Variants in CNTNAP5 observed in about 807,000 individuals in gnomAD.
CNTNAP5 encodes the protein contactin-associated protein-like 5.
Under a neutral mutation model 150.2 loss-of-function variants are expected in CNTNAP5, and 72 were observed. The observed-to-expected ratio is 0.48, with a 90% CI of 0.40 to 0.58. The LOEUF (loss-of-function observed/expected upper bound fraction) is 0.58, where lower values mean the gene tolerates loss of function less well. Ranked by LOEUF, CNTNAP5 falls within the 20% of genes least tolerant of loss-of-function variation. The probability of loss-of-function intolerance (pLI) is 0.00; values close to 1 mark genes in which losing one functional copy is unlikely to be tolerated. For synonymous variants in CNTNAP5, 672 were observed against 619.8 expected, an observed-to-expected ratio of 1.08 and a Z score of -1.25; for missense variants, 1,636 against 1,626.2, an observed-to-expected ratio of 1.01 and a Z score of -0.10.
chr2:124,053,549 A>G (rs1215668608), intron 1 of CNTNAP5, among the ~76,000 whole-genome samples: 1 of 152,182 alleles, frequency 6.6e-6, no homozygotes, highest in Non-Finnish European at 1.5e-5. Flanking sequence ...CTCAATGAAC[A>G]TTTGACCTTT....
chr2:124,177,708 C>T (rs1432284086), intron 1 of CNTNAP5, among the ~76,000 whole-genome samples: 2 of 152,142 alleles, frequency 1.3e-5, no homozygotes, highest in African/African-American at 2.4e-5. Flanking sequence ...ACACACTTCT[C>T]GCAGAACCTC....
intron 11 of CNTNAP5, among the ~76,000 whole-genome samples, chr2:124,568,530 A>G (rs1179595259): frequency 1.3e-5 from 2 of 152,244 alleles, no homozygotes; most frequent in Non-Finnish European, 2.9e-5. Context: ...TATTATAACC[A>G]GAGCTTTTCA....
intron 14 of CNTNAP5, among the ~76,000 whole-genome samples, chr2:124,751,822 C>T (rs1680733587): frequency 6.6e-6 from 1 of 152,220 alleles, no homozygotes; most frequent in Admixed American, 6.5e-5. Flanking sequence ...AGTATTGTCA[C>T]TTAAATGTTA....
intron 13 of CNTNAP5, among the ~76,000 whole-genome samples, chr2:124,702,025 T>A (rs564302987): frequency 6.6e-6 from 1 of 152,198 alleles, no homozygotes; most frequent in Non-Finnish European, 1.5e-5. Context: ...CAATTAATAT[T>A]TTCTCTTTAT....
chr2:124,188,716 CAAAAAAAAAA>C (rs70996047), intron 1 of CNTNAP5, among the ~76,000 whole-genome samples: 1 of 73,076 alleles, frequency 1.4e-5, no homozygotes, highest in Non-Finnish European at 2.4e-5. Flanking sequence ...GACTCTGTCT[CAAAAAAAAAA>C]AAAAAAAAAA....
At chr2:124,761,670 G>T (rs1186170672) in intron 14 of CNTNAP5, among the ~76,000 whole-genome samples, 1 of 152,004 alleles carries the variant, frequency 6.6e-6, no homozygotes, top group Non-Finnish European at 1.5e-5. Context: ...CATGCTTTTT[G>T]ACTTGCTTGG....
Position 124,577,825 on chromosome 2 carries a change from A to C in CNTNAP5, c.1756+14502A>C, listed in dbSNP as rs551493130. Among the ~76,000 whole-genome samples the C allele has an allele frequency of 2.0e-5, 3 of 152,280 alleles. No homozygotes were observed. The East Asian group carries it at 5.8e-4, about 29-fold the overall frequency. On this transcript the variant is annotated intron_variant, in intron 11 of 23. Coordinates refer to ENST00000682447, the MANE Select transcript of CNTNAP5 (RefSeq NM_001367498.1). ...AGACAGAGAATATGACAGAGGGTCA[A>C]GAATCAAGACTGACATTAACTTGGT...
At chr2:124,252,352 G>T (rs1199864358) in intron 3 of CNTNAP5, among the ~76,000 whole-genome samples, 2 of 152,112 alleles carry the variant, frequency 1.3e-5, no homozygotes, top group Non-Finnish European at 2.9e-5. Context: ...CAAGCTTGCT[G>T]CTCCTGCATC....
intron 19 of CNTNAP5, among the ~76,000 whole-genome samples, chr2:124,809,888 G>A (rs1682167701): frequency 6.6e-6 from 1 of 152,130 alleles, no homozygotes; most frequent in Admixed American, 6.5e-5. Flanking sequence ...CCAGCACAGT[G>A]CATAGAAAAC....
At chr2:124,771,100 G>A (rs755636806) in intron 16 of CNTNAP5, among the ~76,000 whole-genome samples, 1 of 152,144 alleles carries the variant, frequency 6.6e-6, no homozygotes, top group African/African-American at 2.4e-5. Flanking sequence ...CTTTGATGGA[G>A]GCTGCTTTCA....
intron 12 of CNTNAP5, among the ~76,000 whole-genome samples, chr2:124,621,231 A>T (rs983981690): frequency 6.6e-6 from 1 of 152,046 alleles, no homozygotes. Flanking sequence ...TGATATGCAA[A>T]ATTGTTTGTC....
intron 3 of CNTNAP5, among the ~76,000 whole-genome samples, chr2:124,346,346 T>C (rs1689736859): frequency 6.6e-6 from 1 of 152,224 alleles, no homozygotes; most frequent in East Asian, 1.9e-4. Context: ...TTATTTTTTA[T>C]TTTAACTATA....
intron 17 of CNTNAP5, among the ~76,000 whole-genome samples, chr2:124,786,521 AAG>A (rs746076069): frequency 5.5e-5 from 8 of 145,386 alleles, no homozygotes; most frequent in African/African-American, 1.7e-4. Flanking sequence ...GAAAGAAAGA[AAG>A]AGAAAGAAAG....
At chr2:124,538,216 G>A (rs1221902880) in intron 10 of CNTNAP5, among the ~76,000 whole-genome samples, 1 of 152,206 alleles carries the variant, frequency 6.6e-6, no homozygotes, top group African/African-American at 2.4e-5. Flanking sequence ...GCCAGGCGCA[G>A]TGGCTCATGC....
intron 10 of CNTNAP5, among the ~76,000 whole-genome samples, chr2:124,552,315 C>T (rs1322423265): frequency 1.3e-5 from 2 of 152,142 alleles, no homozygotes; most frequent in African/African-American, 4.8e-5. Context: ...AAAGGTGACC[C>T]CACTACACCC....
chr2:124,381,922 C>T (rs1349094111), intron 3 of CNTNAP5, among the ~76,000 whole-genome samples: 2 of 151,934 alleles, frequency 1.3e-5, no homozygotes, highest in African/African-American at 2.4e-5. Flanking sequence ...CTGAGAGAGA[C>T]AGTGAAGGAG....
intron 18 of CNTNAP5, among the ~76,000 whole-genome samples, chr2:124,793,413 G>A (rs183344918): frequency 1.6e-4 from 24 of 152,064 alleles, no homozygotes; most frequent in African/African-American, 4.8e-4. Context: ...ATAATTTGTC[G>A]TATGTTTGGA....
chr2:124,078,107 A>C (rs555924435), intron 1 of CNTNAP5, among the ~76,000 whole-genome samples: 2 of 152,346 alleles, frequency 1.3e-5, no homozygotes, highest in East Asian at 3.9e-4. Context: ...GCAAAACCTC[A>C]GATTCAATCC....
At chr2:124,310,378 A>C (rs1392096398) in intron 3 of CNTNAP5, among the ~76,000 whole-genome samples, 15 of 151,998 alleles carry the variant, frequency 9.9e-5, no homozygotes, top group Admixed American at 9.8e-4. Flanking sequence ...GGAACTTCCT[A>C]CTTAGTGGGT....
Sources: gnomAD v4.1 joint callset for allele counts (sites outside exome capture counted in the v4.1 genomes callset) on GRCh38, gnomAD v4.1.1 for gene constraint, MANE v1.5 for transcripts, NCBI Gene and HGNC (gene_info 2026-07-23, HGNC 2026-07-21) for gene names.